PHIP: variants seen among roughly 807,000 people sequenced by gnomAD.
The protein encoded by PHIP is PHIP subunit of CUL4-Ring ligase complex, also known as PH-interacting protein.
PHIP carries 54 observed loss-of-function variants against 236.8 expected under a neutral mutation model. The ratio of observed to expected loss-of-function variants is 0.23; its 90% CI spans 0.18 to 0.29. PHIP has a LOEUF of 0.29. Among genes scored for constraint, PHIP ranks in the 10% least tolerant of loss-of-function variants. The pLI is 1.00. For missense variants in PHIP, 1,370 were observed against 2,190.8 expected (o/e 0.63, Z 7.48); for synonymous variants, 756 against 718.9 (o/e 1.05, Z -0.83).
At chr6:79,000,657 G>C (rs1271046042) in intron 17 of PHIP, among the ~76,000 whole-genome samples, 1 of 152,048 alleles carries the variant, frequency 6.6e-6, no homozygotes, top group Non-Finnish European at 1.5e-5. Context: ...CTCTCCGAGA[G>C]ACTGAAGACA....
chr6:79,043,038 G>A (rs764496490), intron 6 of PHIP, 35 bp from the exon 7 acceptor site: 9 of 1,544,992 alleles, frequency 5.8e-6, no homozygotes, highest in South Asian at 1.2e-5. Context: ...AATGTAATCT[G>A]GAAATTAATT....
At position 78,938,002 on chromosome 6, in the gene PHIP, T is replaced by C. The variant is rs113074418; in HGVS notation, c.*2691A>G. On this transcript the variant is annotated 3_prime_UTR_variant, in exon 40 of 40. Coordinates refer to ENST00000275034, the MANE Select transcript of PHIP (RefSeq NM_017934.7). The stretch of plus-strand genomic sequence containing the variant: ...ACCTAAGACAACTGCCAATATTTCT[T>C]TCTGGCCTATTAACAGTACATACAT... The C allele has an allele frequency of 6.6e-6, 1 of 151,676 alleles. No individual in the cohort carries two copies. The highest frequency in any genetic ancestry group is 2.4e-5 in the African/African-American group (1 of 41,410). 9.4% of individuals were successfully genotyped at this position (151,676 alleles called of 1,614,324 possible). A position where few individuals can be genotyped will look rare whatever the true frequency, so the allele number is the denominator to read the frequency against.
Position 78,943,159 on chromosome 6 carries a change from G to A in PHIP, c.4829-1829C>T, listed in dbSNP as rs75021572. Among the ~76,000 whole-genome samples the A allele has an allele frequency of 7.1e-3, 1,085 of 152,018 alleles. 16 individuals are homozygous for A. The highest frequency in any genetic ancestry group is 0.025 in the African/African-American group (1,019 of 41,482). On this transcript the variant is annotated intron_variant, in intron 39 of 39. Coordinates refer to ENST00000275034, the MANE Select transcript of PHIP (RefSeq NM_017934.7). Reference sequence around the variant, plus strand: ...AACTTTACCTGTTTTTACTGAACATGGTGAGTACAAAATTTAAAATTACAT... The same window carrying A: ...AACTTTACCTGTTTTTACTGAACATAGTGAGTACAAAATTTAAAATTACAT...
chr6:78,994,567 ACT>A (rs1477696993), intron 19 of PHIP, among the ~76,000 whole-genome samples: 1 of 133,994 alleles, frequency 7.5e-6, no homozygotes, highest in African/African-American at 2.8e-5. Context: ...ACAAAGTAAG[ACT>A]CTGTCTCAAA....
intron 4 of PHIP, among the ~76,000 whole-genome samples, chr6:79,066,285 A>G (rs1405125521): frequency 1.3e-5 from 2 of 152,178 alleles, no homozygotes; most frequent in East Asian, 1.9e-4. Context: ...TTGGCTGCAC[A>G]CTGAATGCCA....
Position 79,016,649 on chromosome 6 carries a change from TA to T in PHIP, c.1137-8del. The T allele has an allele frequency of 6.4e-7, 1 of 1,574,436 alleles. No homozygotes were observed. The highest frequency in any genetic ancestry group is 8.7e-7 in the Non-Finnish European group (1 of 1,149,234). On this transcript the variant is annotated splice_region_variant and splice_polypyrimidine_tract_variant and intron_variant, in intron 12 of 39. Coordinates refer to ENST00000275034, the MANE Select transcript of PHIP (RefSeq NM_017934.7). ...ACGACTGCCACTTACAAACCTGTATTAAAAGGAATCCGATCCCCCAAAGAAA... is the reference window on the plus strand; with the variant it reads ...ACGACTGCCACTTACAAACCTGTATTAAAGGAATCCGATCCCCCAAAGAAA...
At chr6:78,976,706 GTGGGCGAAGGACAT>G (rs1768099872) in intron 24 of PHIP, among the ~76,000 whole-genome samples, 1 of 148,102 alleles carries the variant, frequency 6.8e-6, no homozygotes, top group South Asian at 2.2e-4. Context: ...ACATCAAAAA[GTGGGCGAAGGACAT>G]GAACAGACAC....
In PHIP at chr6:78,955,227, A is replaced by AT; in HGVS notation, c.3903+4dup. 6.3e-7 allele frequency: 1 copy of AT among 1,597,162 alleles called. No homozygotes were observed. The highest frequency in any genetic ancestry group is 8.6e-7 in the Non-Finnish European group (1 of 1,166,558). ...GTACTTCTGCTAAAACTAAAACTAT[A>AT]TTACCTTCCTTTTTCGAGTAGAAGT... On this transcript the variant is annotated splice_donor_region_variant and intron_variant, in intron 34 of 39. Transcript: ENST00000275034.
At position 78,941,940 on chromosome 6, in the gene PHIP, A is replaced by G. The variant is rs571480048; in HGVS notation, c.4829-610T>C. ...CAAATTCTAAACCTGAAGGATCTGG[A>G]GATGATGAATTACCTTTCTGTTGTA... On this transcript the variant is annotated intron_variant, in intron 39 of 39. Transcript: ENST00000275034. Among the ~76,000 whole-genome samples the G allele has an allele frequency of 5.9e-5, 9 of 152,270 alleles. No individual in the cohort carries two copies. The South Asian group carries it at 1.2e-3, about 21-fold the overall frequency.
intron 7 of PHIP, among the ~76,000 whole-genome samples, chr6:79,031,855 A>T (rs1309906984): frequency 6.6e-6 from 1 of 152,236 alleles, no homozygotes; most frequent in Non-Finnish European, 1.5e-5. Context: ...ATCCAAAAAA[A>T]GTTCTGATTT....
intron 7 of PHIP, 67 bp downstream of exon 7, chr6:79,042,776 T>G: frequency 8.4e-7 from 1 of 1,184,654 alleles, no homozygotes; most frequent in Non-Finnish European, 1.1e-6. Context: ...TTACTTCAAG[T>G]TCACCTATAA....
At chr6:78,975,133 T>C (rs1427716056) in intron 24 of PHIP, among the ~76,000 whole-genome samples, 2 of 151,840 alleles carry the variant, frequency 1.3e-5, no homozygotes, top group Non-Finnish European at 2.9e-5. Flanking sequence ...AATAAAATAC[T>C]GGCAAACCGA....
rs997983496 is a variant in PHIP, at chr6:78,939,941, C to T, written c.*752G>A. On this transcript the variant is annotated 3_prime_UTR_variant, in exon 40 of 40. Coordinates refer to ENST00000275034, the MANE Select transcript of PHIP (RefSeq NM_017934.7). The stretch of plus-strand genomic sequence containing the variant: ...ATGCTGTCCTGACGTCAAAAACAGG[C>T]TTTCCACTGCACTGATTCTCAGTCT... 3.3e-5 allele frequency: 5 copies of T among 152,428 alleles called. No individual in the cohort carries two copies. In the East Asian group the frequency reaches 9.6e-4, roughly 29 times the overall value. 9.4% of individuals were successfully genotyped at this position (152,428 alleles called of 1,614,324 possible). A position where few individuals can be genotyped will look rare whatever the true frequency, so the allele number is the denominator to read the frequency against.
At chr6:78,993,662 C>T (rs79877193) in intron 19 of PHIP, among the ~76,000 whole-genome samples, 50 of 152,194 alleles carry the variant, frequency 3.3e-4, no homozygotes, top group African/African-American at 1.2e-3. Flanking sequence ...ATTTTTAGCC[C>T]ACTGTTGAGA....
rs147741572 is a variant in PHIP at position 79,033,315 on chromosome 6, T to C, written c.601-7151A>G. 1.1e-3 allele frequency among the ~76,000 whole-genome samples: 171 copies of C among 152,346 alleles called. 2 individuals are homozygous for C. In the East Asian group the frequency reaches 0.029, roughly 26 times the overall value. ...CTTTTTGAAGCTTTGAAGCCAGGCA[T>C]TGACTTCTCTCTAATTATGAAAGTC... is the stretch of plus-strand genomic sequence containing the variant. On this transcript the variant is annotated intron_variant, in intron 7 of 39. Coordinates refer to ENST00000275034, the MANE Select transcript of PHIP (RefSeq NM_017934.7).
rs529817374 is a variant in PHIP at position 78,978,482 on chromosome 6, G to A, written c.2889+110C>T. ...ATACATAGATACAAATATCTAGAATGAGATACTTTACAAAACTGCTTCTAT... is the reference window on the plus strand; with the variant it reads ...ATACATAGATACAAATATCTAGAATAAGATACTTTACAAAACTGCTTCTAT... On this transcript the variant is annotated intron_variant, in intron 24 of 39. Transcript: ENST00000275034. 6 of 720,310 alleles carry A rather than the reference G, an allele frequency of 8.3e-6. No individual in the cohort carries two copies. In the South Asian group the frequency reaches 1.1e-4, roughly 13 times the overall value. 44.6% of individuals were successfully genotyped at this position (720,310 alleles called of 1,614,324 possible).
chr6:78,974,064 A>G (rs1767843350), intron 24 of PHIP, among the ~76,000 whole-genome samples: 1 of 152,184 alleles, frequency 6.6e-6, no homozygotes, highest in Non-Finnish European at 1.5e-5. Context: ...TCAAATCAAC[A>G]GAATATACAT....
At chr6:79,077,251 C>T (rs1270357169) in intron 4 of PHIP, among the ~76,000 whole-genome samples, 197 bp downstream of exon 4, 1 of 152,020 alleles carries the variant, frequency 6.6e-6, no homozygotes, top group Admixed American at 6.5e-5. Context: ...TTGTCCGCAG[C>T]CCCTGCGGCC....
chr6:78,985,536 T>A, intron 21 of PHIP, 108 bp from the exon 22 acceptor site: 1 of 738,488 alleles, frequency 1.4e-6, no homozygotes, highest in Non-Finnish European at 2.4e-6. Context: ...TTGGGATATT[T>A]AAAATTTGAT....
Sources: gnomAD v4.1 joint callset for allele counts (sites outside exome capture counted in the v4.1 genomes callset) on GRCh38, gnomAD v4.1.1 for gene constraint, MANE v1.5 for transcripts, NCBI Gene and HGNC (gene_info 2026-07-23, HGNC 2026-07-21) for gene names.